CNTLN: variants seen among roughly 807,000 people sequenced by gnomAD.
The protein encoded by CNTLN is centlein, also known as centlein, centrosomal protein.
CNTLN carries 212 observed loss-of-function variants against 180.0 expected under a neutral mutation model. The ratio of observed to expected loss-of-function variants is 1.18; its 90% confidence interval spans 1.05 to 1.32. CNTLN has a LOEUF of 1.32. CNTLN is among the 40% of genes most tolerant of loss of function. CNTLN has a pLI of 0.00. For missense variants in CNTLN, 2,095 were observed against 1,610.9 expected, an observed-to-expected ratio of 1.30 and a Z score of -5.14; for synonymous variants, 722 against 563.1, an observed-to-expected ratio of 1.28 and a Z score of -3.99.
chr9:17,513,109 G>C, the CNTLN span, among the ~76,000 whole-genome samples: 1 of 151,870 alleles, frequency 6.6e-6, no homozygotes, highest in Non-Finnish European at 1.5e-5. Context: ...CACGGTGCCC[G>C]GCCTAGTCTA....
At chr9:17,507,586 T>C (rs1406101437), downstream of CNTLN, among the ~76,000 whole-genome samples, 4 of 152,202 alleles carry the variant, frequency 2.6e-5, no homozygotes, top group East Asian at 3.8e-4. Flanking sequence ...TACATTTCCA[T>C]GCACGTAACT....
chr9:17,341,214 C>T (rs928158803), intron 11 of CNTLN, among the ~76,000 whole-genome samples: 5 of 151,896 alleles, frequency 3.3e-5, no homozygotes, highest in Non-Finnish European at 7.4e-5. Flanking sequence ...AATGGAATAA[C>T]TTAATAAAAT....
intron 2 of CNTLN, among the ~76,000 whole-genome samples, chr9:17,216,700 C>T (rs1484739991): frequency 6.6e-6 from 1 of 152,054 alleles, no homozygotes; most frequent in African/African-American, 2.4e-5. Flanking sequence ...ATGTTATATT[C>T]TCTCACTACT....
intron 25 of CNTLN, 196 bp downstream of exon 25, chr9:17,487,262 TG>T: frequency 3.5e-6 from 2 of 569,942 alleles, no homozygotes; most frequent in Non-Finnish European, 6.3e-6. Flanking sequence ...ACAAATACCT[TG>T]GGATAGAGCC....
intron 22 of CNTLN, 116 bp from the exon 23 acceptor site, chr9:17,466,590 A>G (rs1831763270): frequency 2.5e-6 from 2 of 793,714 alleles, no homozygotes; most frequent in Admixed American, 6.6e-5. Flanking sequence ...ATTTTACCCA[A>G]ATAATAAATA....
intron 18 of CNTLN, among the ~76,000 whole-genome samples, chr9:17,442,129 T>C (rs1017465893): frequency 6.6e-6 from 1 of 152,110 alleles, no homozygotes; most frequent in African/African-American, 2.4e-5. Flanking sequence ...ACAAGATTAA[T>C]CCGGAATCAG....
Position 17,162,908 on chromosome 9 carries a change from G to C in CNTLN, c.449+19532G>C, listed in dbSNP as rs74393964. ...TGGAGGATGTTAACTGTATTTTTAGGCAGACTTCTGGTTTTGATGAGGTAT... is the reference window on the plus strand; with the variant it reads ...TGGAGGATGTTAACTGTATTTTTAGCCAGACTTCTGGTTTTGATGAGGTAT... On this transcript the variant is annotated intron_variant, in intron 2 of 25. Coordinates refer to ENST00000380647, the MANE Select transcript of CNTLN (RefSeq NM_017738.4). Among the ~76,000 whole-genome samples the C allele has an allele frequency of 4.8e-3, 726 of 152,186 alleles. 5 individuals carry two copies. The highest frequency in any genetic ancestry group is 0.017 in the African/African-American group (691 of 41,524).
intron 18 of CNTLN, among the ~76,000 whole-genome samples, chr9:17,455,882 T>G (rs1248835210): frequency 6.6e-6 from 1 of 151,722 alleles, no homozygotes; most frequent in Non-Finnish European, 1.5e-5. Flanking sequence ...AAGCCTAATC[T>G]TAGAGAGCCT....
chr9:17,372,973 A>G (rs1223640860), intron 13 of CNTLN, among the ~76,000 whole-genome samples: 1 of 152,178 alleles, frequency 6.6e-6, no homozygotes, highest in African/African-American at 2.4e-5. Flanking sequence ...ATTGGAACAA[A>G]CATACATCAG....
chr9:17,166,836 G>A (rs1298068770), intron 2 of CNTLN: 2 of 438,542 alleles, frequency 4.6e-6, no homozygotes, highest in Admixed American at 5.5e-5. Context: ...CGGAAGATGT[G>A]TACCACCAAA....
In CNTLN at chr9:17,215,657, CTGTG is replaced by C. The variant is rs537372048; in HGVS notation, c.450-10545_450-10542del. On this transcript the variant is annotated intron_variant, in intron 2 of 25. Transcript: ENST00000380647. ...TATGCCCTGCCCCCAGGGGTGGAGT[CTGTG>C]GAGGCTGGCAGGCCTCCTTGAACTG... Among the ~76,000 whole-genome samples, 38 of 152,242 alleles carry C rather than the reference CTGTG, an allele frequency of 2.5e-4. No homozygotes were observed. The South Asian group carries it at 7.1e-3, about 28-fold the overall frequency.
chr9:17,423,629 G>A (rs541850384), intron 18 of CNTLN, among the ~76,000 whole-genome samples: 4 of 152,172 alleles, frequency 2.6e-5, no homozygotes, highest in African/African-American at 4.8e-5. Flanking sequence ...CCCAAGGACC[G>A]CAGATTTTAT....
intron 18 of CNTLN, among the ~76,000 whole-genome samples, chr9:17,429,813 C>A (rs931284896): frequency 1.3e-5 from 2 of 151,456 alleles, no homozygotes; most frequent in African/African-American, 4.8e-5. Context: ...TACATTTTAC[C>A]CCTTTTAAGT....
chr9:17,284,969 T>G (rs910409850), intron 6 of CNTLN, among the ~76,000 whole-genome samples: 1 of 151,960 alleles, frequency 6.6e-6, no homozygotes, highest in African/African-American at 2.4e-5. Flanking sequence ...TTGTTATCAT[T>G]GGTTTCAAAG....
At chr9:17,379,666 CT>C (rs1436517702) in intron 13 of CNTLN, among the ~76,000 whole-genome samples, 1 of 152,156 alleles carries the variant, frequency 6.6e-6, no homozygotes, top group African/African-American at 2.4e-5. Context: ...GGAAAATCTG[CT>C]CCCTCTAACT....
At chr9:17,511,478 A>C in the CNTLN span, among the ~76,000 whole-genome samples, 1 of 152,146 alleles carries the variant, frequency 6.6e-6, no homozygotes, top group South Asian at 2.1e-4. Flanking sequence ...AGAAGGATTC[A>C]CTTCCTAGCT....
At chr9:17,398,491 A>T (rs538221669) in intron 15 of CNTLN, among the ~76,000 whole-genome samples, 1 of 152,296 alleles carries the variant, frequency 6.6e-6, no homozygotes, top group East Asian at 1.9e-4. Context: ...TCTTCATGCT[A>T]TCATAAGTTG....
intron 5 of CNTLN, among the ~76,000 whole-genome samples, chr9:17,255,115 T>C (rs923782845): frequency 6.6e-6 from 1 of 151,862 alleles, no homozygotes; most frequent in Non-Finnish European, 1.5e-5. Flanking sequence ...TTTCTACATA[T>C]ACATGCCATC....
chr9:17,312,395 T>TATATATA (rs1819251621), intron 8 of CNTLN, among the ~76,000 whole-genome samples: 1 of 117,172 alleles, frequency 8.5e-6, no homozygotes, highest in African/African-American at 3.2e-5. Context: ...ATTTATTTAT[T>TATATATA]TATTTTTTTG....
Sources: allele counts gnomAD v4.1 joint callset (sites outside exome capture counted in the v4.1 genomes callset), GRCh38; gene constraint gnomAD v4.1.1; transcripts MANE v1.5; gene names NCBI Gene and HGNC (gene_info 2026-07-23, HGNC 2026-07-21).